Variants in ZFAND3 observed in about 807,000 individuals in gnomAD.
ZFAND3 encodes zinc finger AN1-type containing 3.
ZFAND3 carries 10 observed loss-of-function variants against 29.6 expected under a neutral mutation model. The observed-to-expected ratio is 0.34, with a 90% CI of 0.21 to 0.57. The LOEUF is 0.57. ZFAND3 is among the 20% of genes least tolerant of loss of function. The pLI is 0.86. For missense variants in ZFAND3, 230 were observed against 304.5 expected, an observed-to-expected ratio of 0.76 and a Z score of 1.82; for synonymous variants, 128 against 112.6, an observed-to-expected ratio of 1.14 and a Z score of -0.87.
intron 2 of ZFAND3, among the ~76,000 whole-genome samples, chr6:37,940,138 G>A (rs1014407480): frequency 1.3e-5 from 2 of 152,172 alleles, no homozygotes; most frequent in East Asian, 3.8e-4. Context: ...AGAATGACCA[G>A]GCTTAGGTTT....
At chr6:37,883,637 G>C (rs544804885) in intron 1 of ZFAND3, among the ~76,000 whole-genome samples, 2 of 143,790 alleles carry the variant, frequency 1.4e-5, no homozygotes, top group Non-Finnish European at 3.0e-5. Flanking sequence ...CTGCCTCCTG[G>C]GTTCAAGCAA....
At chr6:38,090,440 C>A (rs1203750654) in intron 4 of ZFAND3, among the ~76,000 whole-genome samples, 1 of 152,196 alleles carries the variant, frequency 6.6e-6, no homozygotes, top group African/African-American at 2.4e-5. Flanking sequence ...TTACCTTATG[C>A]ACTCATCATC....
At chr6:38,080,381 T>C (rs72852555) in intron 3 of ZFAND3, among the ~76,000 whole-genome samples, 9,997 of 152,082 alleles carry the variant, frequency 0.066, 410 homozygotes, top group Non-Finnish European at 0.094. Flanking sequence ...TAATGAACGT[T>C]ATTAAGCATT....
At chr6:37,946,334 G>A (rs1055959079) in intron 2 of ZFAND3, among the ~76,000 whole-genome samples, 2 of 152,058 alleles carry the variant, frequency 1.3e-5, no homozygotes, top group Admixed American at 1.3e-4. Flanking sequence ...CATTATTAGC[G>A]CTTTTGTCTT....
intron 5 of ZFAND3, among the ~76,000 whole-genome samples, chr6:38,123,108 A>G (rs1765565537): frequency 6.6e-6 from 1 of 152,266 alleles, no homozygotes; most frequent in Admixed American, 6.5e-5. Context: ...AACATGAAAC[A>G]TGTTGGAAAG....
chr6:38,063,846 T>C (rs1483879333), intron 3 of ZFAND3, among the ~76,000 whole-genome samples: 1 of 152,164 alleles, frequency 6.6e-6, no homozygotes, highest in Non-Finnish European at 1.5e-5. Flanking sequence ...ACCTTGGTTG[T>C]ATTGAAAATG....
chr6:38,013,862 TAATG>T (rs1207031162), intron 2 of ZFAND3, among the ~76,000 whole-genome samples: 1 of 152,246 alleles, frequency 6.6e-6, no homozygotes, highest in African/African-American at 2.4e-5. Flanking sequence ...CAGCAAAAGT[TAATG>T]AACCACTACC....
At chr6:38,044,612 C>G (rs1338252807) in intron 2 of ZFAND3, among the ~76,000 whole-genome samples, 1 of 152,178 alleles carries the variant, frequency 6.6e-6, no homozygotes, top group Non-Finnish European at 1.5e-5. Flanking sequence ...TGGAATCTAA[C>G]TATCGAATTG....
At chr6:37,864,738 T>TAC (rs70977698) in intron 1 of ZFAND3, among the ~76,000 whole-genome samples, 4,614 of 148,928 alleles carry the variant, frequency 0.031, 79 homozygotes, top group Middle Eastern at 0.051. Context: ...TATGTGGTTA[T>TAC]ACACACACAC....
chr6:38,101,786 AAAAAAAAAAAAAGAC>A (rs1765099226), intron 4 of ZFAND3, among the ~76,000 whole-genome samples: 1 of 151,464 alleles, frequency 6.6e-6, no homozygotes, highest in Admixed American at 6.6e-5. Context: ...AAAAAAAAAA[AAAAAAAAAAAAAGAC>A]TAAATTTTGG....
At chr6:38,049,413 A>G (rs1266413648) in intron 2 of ZFAND3, among the ~76,000 whole-genome samples, 2 of 152,212 alleles carry the variant, frequency 1.3e-5, no homozygotes, top group African/African-American at 2.4e-5. Context: ...TTGTAGGGAG[A>G]AAACTAGAGC....
intron 2 of ZFAND3, among the ~76,000 whole-genome samples, chr6:37,990,107 A>G (rs182263681): frequency 4.6e-5 from 7 of 152,310 alleles, no homozygotes; most frequent in Admixed American, 3.9e-4. Context: ...TTGTTAAACT[A>G]TAGACTGTTA....
chr6:37,841,014 C>T (rs1411838449), intron 1 of ZFAND3, among the ~76,000 whole-genome samples: 2 of 152,176 alleles, frequency 1.3e-5, no homozygotes, highest in Non-Finnish European at 2.9e-5. Flanking sequence ...TTGTCTCAGA[C>T]TGGAAGTTCC....
chr6:38,133,962 A>G (rs1020204790), intron 5 of ZFAND3, among the ~76,000 whole-genome samples: 15 of 152,164 alleles, frequency 9.9e-5, no homozygotes, highest in African/African-American at 3.6e-4. Context: ...AACTGTCCAT[A>G]TTTTCAACCA....
chr6:37,820,041 GGGGGGCGGGGGCC>G (rs753438707), intron 1 of ZFAND3, 25 bp downstream of exon 1: 304 of 869,834 alleles, frequency 3.5e-4, no homozygotes, highest in East Asian at 3.6e-4. Flanking sequence ...GGGTGGGGGC[GGGGGGCGGGGGCC>G]GGGGGCGCAG....
chr6:38,127,366 C>A (rs1219164934), intron 5 of ZFAND3, among the ~76,000 whole-genome samples: 1 of 152,226 alleles, frequency 6.6e-6, no homozygotes, highest in South Asian at 2.1e-4. Context: ...AAGCTGTGTT[C>A]TAAAGAGTTT....
At chr6:37,841,224 GGAAA>G (rs1188331182) in intron 1 of ZFAND3, among the ~76,000 whole-genome samples, 1 of 152,122 alleles carries the variant, frequency 6.6e-6, no homozygotes, top group Non-Finnish European at 1.5e-5. Flanking sequence ...ATAACTTTAT[GGAAA>G]GAGAGACTAT....
At chr6:37,867,738 G>GT (rs2127386732) in intron 1 of ZFAND3, among the ~76,000 whole-genome samples, 1 of 152,322 alleles carries the variant, frequency 6.6e-6, no homozygotes, top group East Asian at 1.9e-4. Context: ...ATAAGAACCA[G>GT]TACTCAGTCT....
intron 2 of ZFAND3, among the ~76,000 whole-genome samples, chr6:37,952,193 G>T (rs1467809920): frequency 6.6e-6 from 1 of 152,066 alleles, no homozygotes. Flanking sequence ...CCAGGTTTTG[G>T]TATCAGAATG....
Sources: gnomAD v4.1 joint callset for allele counts (sites outside exome capture counted in the v4.1 genomes callset) on GRCh38, gnomAD v4.1.1 for gene constraint, MANE v1.5 for transcripts, NCBI Gene and HGNC (gene_info 2026-07-23, HGNC 2026-07-21) for gene names.